Variants in TENM2 observed in about 807,000 individuals in gnomAD.
The protein encoded by TENM2 is teneurin transmembrane protein 2.
Under a neutral mutation model 245.2 loss-of-function variants are expected in TENM2, and 52 were observed. That is an observed-to-expected ratio of 0.21 (90% CI 0.17 to 0.27). The LOEUF (loss-of-function observed/expected upper bound fraction) is 0.27, where lower values mean the gene tolerates loss of function less well. Ranked by LOEUF, TENM2 falls within the 10% of genes least tolerant of loss-of-function variation. TENM2 has a pLI of 1.00. For synonymous variants in TENM2, 1,363 were observed against 1,438.9 expected, an observed-to-expected ratio of 0.95 and a Z score of 1.19; for missense variants, 3,046 against 3,666.8, an observed-to-expected ratio of 0.83 and a Z score of 4.37.
intron 2 of TENM2, among the ~76,000 whole-genome samples, chr5:167,552,919 T>TAAGG (rs1554178043): frequency 1.8e-4 from 27 of 150,680 alleles, no homozygotes; most frequent in African/African-American, 6.6e-4. Context: ...GGTAAGTTAA[T>TAAGG]AATGAATGAA....
chr5:167,111,057 G>A, the TENM2 span, among the ~76,000 whole-genome samples: 9 of 152,106 alleles, frequency 5.9e-5, no homozygotes, highest in Non-Finnish European at 1.3e-4. Context: ...AAGAAATAAA[G>A]AATTTTGACT....
intron 2 of TENM2, among the ~76,000 whole-genome samples, chr5:167,780,880 A>G (rs1002237336): frequency 6.6e-6 from 1 of 152,228 alleles, no homozygotes; most frequent in African/African-American, 2.4e-5. Flanking sequence ...CTACACTTAC[A>G]TAACACACTG....
intron 3 of TENM2, among the ~76,000 whole-genome samples, chr5:167,877,271 A>C (rs192480253): frequency 1.3e-5 from 2 of 152,214 alleles, no homozygotes; most frequent in Non-Finnish European, 2.9e-5. Context: ...CTACAATTAG[A>C]GAGGACCTCC....
intron 2 of TENM2, among the ~76,000 whole-genome samples, chr5:167,844,164 T>C (rs554781529): frequency 6.6e-6 from 1 of 152,326 alleles, no homozygotes; most frequent in East Asian, 1.9e-4. Flanking sequence ...GTAGTATAAA[T>C]GTAAATGTAA....
chr5:168,157,304 A>G (rs1757271330), intron 12 of TENM2, among the ~76,000 whole-genome samples: 1 of 152,168 alleles, frequency 6.6e-6, no homozygotes, highest in African/African-American at 2.4e-5. Flanking sequence ...ATGTGGTAAG[A>G]GTCAGTTCAT....
intron 2 of TENM2, among the ~76,000 whole-genome samples, chr5:167,718,465 C>T (rs774301008): frequency 2.0e-4 from 30 of 152,092 alleles, no homozygotes; most frequent in Admixed American, 1.0e-3. Context: ...AGACAATGTA[C>T]GTGAAAGCAG....
intron 3 of TENM2, among the ~76,000 whole-genome samples, chr5:167,919,937 C>CT (rs1301583317): frequency 1.3e-5 from 2 of 151,928 alleles, no homozygotes; most frequent in African/African-American, 4.8e-5. Flanking sequence ...TCAAGACATT[C>CT]TTTTTTTTGG....
chr5:167,007,961 C>T, the TENM2 span, among the ~76,000 whole-genome samples: 1 of 152,126 alleles, frequency 6.6e-6, no homozygotes, highest in Non-Finnish European at 1.5e-5. The surrounding 1 kb of genome is among the most constrained non-coding windows in gnomAD (Gnocchi z 4.2). Flanking sequence ...AGAGCCATCT[C>T]CTAAGCTTCC....
intron 25 of TENM2, among the ~76,000 whole-genome samples, chr5:168,243,755 A>G (rs1562326882): frequency 6.6e-6 from 1 of 152,150 alleles, no homozygotes; most frequent in Non-Finnish European, 1.5e-5. Flanking sequence ...TGCACACTGC[A>G]CAATTTTCAC....
chr5:167,932,745 C>T (rs752481100), intron 3 of TENM2, among the ~76,000 whole-genome samples: 5 of 151,970 alleles, frequency 3.3e-5, no homozygotes, highest in African/African-American at 4.8e-5. Flanking sequence ...GTGAGCTGCA[C>T]GCAGTCTCTA....
chr5:167,123,334 TAAAC>T, the TENM2 span, among the ~76,000 whole-genome samples: 1 of 152,060 alleles, frequency 6.6e-6, no homozygotes, highest in Non-Finnish European at 1.5e-5. Flanking sequence ...TCTCAAAAAA[TAAAC>T]AAACAAAAGA....
At chr5:167,861,052 TA>T (rs397999860) in intron 2 of TENM2, among the ~76,000 whole-genome samples, 72,588 of 133,372 alleles carry the variant, frequency 0.54, 19,813 homozygotes, top group Non-Finnish European at 0.62. Context: ...AAAAAAAAAT[TA>T]AAAAAAAAAA....
At chr5:168,215,319 C>T (rs1458043901) in intron 21 of TENM2, 47 bp downstream of exon 23, 2 of 1,528,044 alleles carry the variant, frequency 1.3e-6, no homozygotes, top group African/African-American at 1.4e-5. Flanking sequence ...AAAGCTTTGC[C>T]ACCAGCTTGG....
chr5:167,394,570 A>G lies in TENM2; in HGVS notation c.502+19097A>G, dbSNP rs181295264. Reference sequence around the variant, plus strand: ...CTTATAAATAAATATAAATAAATGTATGTATGTATTTATTTAGTTAGTTAG... The same window carrying G: ...CTTATAAATAAATATAAATAAATGTGTGTATGTATTTATTTAGTTAGTTAG... On this transcript the variant is annotated intron_variant, in intron 2 of 28. Coordinates refer to ENST00000518659, the Ensembl canonical transcript of TENM2. Among the ~76,000 whole-genome samples, 352 of 138,888 alleles carry G rather than the reference A, an allele frequency of 2.5e-3. 1 individual carries two copies. Among genetic ancestry groups the G allele is most frequent in the African/African-American group, 9.7e-3 (338 of 34,898 alleles). 91.1% of individuals were successfully genotyped at this position (138,888 alleles called of 152,430 possible).
chr5:167,430,503 T>C (rs1045923019), intron 2 of TENM2, among the ~76,000 whole-genome samples: 1 of 152,172 alleles, frequency 6.6e-6, no homozygotes, highest in African/African-American at 2.4e-5. Context: ...CTGAGATTCC[T>C]GGCATTTGGG....
chr5:168,066,554 C>A (rs768291582), intron 7 of TENM2, among the ~76,000 whole-genome samples: 5 of 152,114 alleles, frequency 3.3e-5, no homozygotes, highest in Non-Finnish European at 7.4e-5. Context: ...TGTGGAAACG[C>A]CCATTTTATT....
At chr5:167,758,082 T>C (rs922782162) in intron 2 of TENM2, among the ~76,000 whole-genome samples, 5 of 152,188 alleles carry the variant, frequency 3.3e-5, no homozygotes, top group Admixed American at 2.6e-4. Context: ...TTGTCTTTTA[T>C]ACTTTCCTTT....
intron 2 of TENM2, among the ~76,000 whole-genome samples, chr5:167,632,615 G>T (rs907571978): frequency 6.6e-6 from 1 of 151,992 alleles, no homozygotes; most frequent in Non-Finnish European, 1.5e-5. Flanking sequence ...CTTTACTTTG[G>T]ACTTCATTTG....
intron 2 of TENM2, among the ~76,000 whole-genome samples, chr5:167,703,796 T>C (rs1246759053): frequency 1.3e-5 from 2 of 152,330 alleles, no homozygotes; most frequent in South Asian, 2.1e-4. Flanking sequence ...TTTCGTGTGA[T>C]GTAGCAATTA....
Sources: gnomAD v4.1 joint callset for allele counts (sites outside exome capture counted in the v4.1 genomes callset) on GRCh38, gnomAD v4.1.1 for gene constraint, Gnocchi (gnomAD v3.1) non-coding constraint, MANE v1.5 for transcripts, NCBI Gene and HGNC (gene_info 2026-07-23, HGNC 2026-07-21) for gene names.